The following ABCB1 variants were observed in gnomAD, a reference collection of about 807,000 sequenced individuals.
ABCB1 encodes the protein ATP binding cassette subfamily B member 1.
In ABCB1, 69 loss-of-function variants were observed where a neutral mutation model predicts 142.0. The observed-to-expected ratio is 0.49, with a 90% CI of 0.40 to 0.59. The LOEUF is 0.59. ABCB1 is among the 20% of genes least tolerant of loss of function. The pLI, the probability that ABCB1 is intolerant of heterozygous loss-of-function variation, is 0.00. For synonymous variants in ABCB1, 532 were observed against 539.2 expected (o/e 0.99, Z 0.18); for missense variants, 1,326 against 1,554.7 (o/e 0.85, Z 2.47).
At chr7:87,543,140 A>G (rs1816613509) in intron 17 of ABCB1, among the ~76,000 whole-genome samples, 1 of 152,086 alleles carries the variant, frequency 6.6e-6, no homozygotes, top group South Asian at 2.1e-4. Flanking sequence ...CTAAAAATAC[A>G]AAAATTAGCC....
At chr7:87,565,063 T>G (rs1310804748) in intron 7 of ABCB1, among the ~76,000 whole-genome samples, 1 of 152,196 alleles carries the variant, frequency 6.6e-6, no homozygotes, top group Non-Finnish European at 1.5e-5. Context: ...TCTTTCTCTG[T>G]AAAGTGAGAT....
intron 1 of ABCB1, among the ~76,000 whole-genome samples, chr7:87,653,177 T>C (rs1823751269): frequency 6.6e-6 from 1 of 152,088 alleles, no homozygotes; most frequent in Admixed American, 6.6e-5. Flanking sequence ...TAGGAATTAA[T>C]AACAATATTA....
chr7:87,550,844 G>T lies in ABCB1; in HGVS notation c.1000-6C>A. 6.4e-7 allele frequency: 1 copy of T among 1,567,274 alleles called. No homozygotes were observed. The highest frequency in any genetic ancestry group is 8.8e-7 in the Non-Finnish European group (1 of 1,137,672). ...ATTAATACAGAAAAGAATACCTGAG[G>T]AATGTGAAGAAAAACCATCAGGCTA... is the stretch of plus-strand genomic sequence containing the variant. On this transcript the variant is annotated splice_polypyrimidine_tract_variant and splice_region_variant and intron_variant, in intron 9 of 27. Transcript: ENST00000622132.
chr7:87,693,483 A>G (rs1395066524), intron 1 of ABCB1, among the ~76,000 whole-genome samples: 2 of 152,200 alleles, frequency 1.3e-5, no homozygotes, highest in East Asian at 1.9e-4. Context: ...TTTCTGAGCC[A>G]TATAGTTCCA....
intron 1 of ABCB1, among the ~76,000 whole-genome samples, chr7:87,711,152 C>T (rs1830044842): frequency 6.6e-6 from 1 of 151,946 alleles, no homozygotes; most frequent in Non-Finnish European, 1.5e-5. Flanking sequence ...CATGGATAAA[C>T]CCCGTCTCTA....
intron 1 of ABCB1, among the ~76,000 whole-genome samples, chr7:87,692,337 G>A (rs556571431): frequency 6.6e-6 from 1 of 152,240 alleles, no homozygotes; most frequent in Admixed American, 6.5e-5. Flanking sequence ...CGCACCTGTA[G>A]TCTTAGCTAC....
At chr7:87,646,351 C>A (rs1823002429) in intron 1 of ABCB1, among the ~76,000 whole-genome samples, 1 of 152,090 alleles carries the variant, frequency 6.6e-6, no homozygotes, top group Non-Finnish European at 1.5e-5. Flanking sequence ...TCCTGGAGAA[C>A]ATAGTGACTA....
intron 8 of ABCB1, among the ~76,000 whole-genome samples, chr7:87,558,518 T>C (rs1817409716): frequency 6.6e-6 from 1 of 152,142 alleles, no homozygotes; most frequent in African/African-American, 2.4e-5. Context: ...TTCTTTTTCG[T>C]TTTCTTTTTT....
At chr7:87,544,545 C>T (rs1321702585) in intron 16 of ABCB1, among the ~76,000 whole-genome samples, 1 of 152,060 alleles carries the variant, frequency 6.6e-6, no homozygotes, top group Non-Finnish European at 1.5e-5. Flanking sequence ...CAGAACCTGA[C>T]AAGAGTATTT....
At position 87,506,005 on chromosome 7, in the gene ABCB1, G is replaced by A. The variant is rs1185730528; in HGVS notation, c.3528C>T (p.Leu1176=). 2 of 1,614,142 alleles carry A rather than the reference G, an allele frequency of 1.2e-6. No homozygotes were observed. The highest frequency in any genetic ancestry group is 1.7e-5 in the Admixed American group (1 of 60,022). Residue 1176 remains leucine, a synonymous_variant, in exon 27 of 28, where the codon CTC becomes CTT. Coordinates refer to ENST00000622132, the MANE Select transcript of ABCB1 (RefSeq NM_001348946.2). ...CAATGCGTTGTTTCTGGCCACCAGA[G>A]AGCTGAGTTCCTTTGTCTCCTACTT... ...STKVGDKGTQ[L]SGGQKQRIAI... is the part of the protein sequence containing the mutation.
At chr7:87,550,380 A>G (rs898037962) in intron 11 of ABCB1, 84 bp from the exon 12 acceptor site, 25 of 1,606,962 alleles carry the variant, frequency 1.6e-5, no homozygotes, top group Non-Finnish European at 2.1e-5. Flanking sequence ...GTTTAAATAT[A>G]CATGCACTTT....
chr7:87,671,719 G>A lies in ABCB1; in HGVS notation c.-331+41442C>T, dbSNP rs545297865. Among the ~76,000 whole-genome samples the A allele has an allele frequency of 9.2e-5, 14 of 152,246 alleles. No homozygotes were observed. In the South Asian group the frequency reaches 2.1e-3, roughly 23 times the overall value. ...CAAGATTGAGGACCCACTTAAAAAC[G>A]CAGTCTTACCATGTGTTGGTAGAGC... is the stretch of plus-strand genomic sequence containing the variant. On this transcript the variant is annotated intron_variant, in intron 1 of 28. Coordinates refer to the ABCB1 transcript ENST00000265724.
intron 1 of ABCB1, among the ~76,000 whole-genome samples, chr7:87,610,232 CTTTTTT>C (rs914468581): frequency 3.4e-5 from 4 of 117,040 alleles, no homozygotes; most frequent in Admixed American, 8.9e-5. Flanking sequence ...CTTTTTCTTT[CTTTTTT>C]TTTTTTTTTT....
intron 23 of ABCB1, 23 bp downstream of exon 23, chr7:87,519,303 C>T: frequency 2.5e-6 from 4 of 1,610,922 alleles, no homozygotes; most frequent in African/African-American, 1.3e-5. Context: ...TAGAGCTTAA[C>T]TAAATAATAG....
chr7:87,709,708 C>CAT (rs1212281440), intron 1 of ABCB1, among the ~76,000 whole-genome samples: 1 of 152,084 alleles, frequency 6.6e-6, no homozygotes, highest in Non-Finnish European at 1.5e-5. Flanking sequence ...AGTTGACAAT[C>CAT]ATATATATTG....
intron 1 of ABCB1, among the ~76,000 whole-genome samples, chr7:87,703,893 T>TTTTTTTTTTTTTTTTTG: frequency 8.9e-6 from 1 of 112,076 alleles, no homozygotes; most frequent in African/African-American, 3.5e-5. Flanking sequence ...TTCTTTTTTT[T>TTTTTTTTTTTTTTTTTG]TTTTTTTTTT....
chr7:87,515,110 T>C (rs1326398317), intron 25 of ABCB1, 121 bp downstream of exon 25: 8 of 1,310,314 alleles, frequency 6.1e-6, no homozygotes, highest in Admixed American at 4.0e-5. Flanking sequence ...TCTCAGACTT[T>C]ATCCAAGTGG....
chr7:87,544,017 G>A, intron 17 of ABCB1, 112 bp downstream of exon 17: 1 of 1,279,274 alleles, frequency 7.8e-7, no homozygotes, highest in Non-Finnish European at 1.1e-6. Context: ...GTTTCATATG[G>A]AGATACGTGG....
intron 21 of ABCB1, among the ~76,000 whole-genome samples, chr7:87,521,288 C>T (rs28401774): frequency 0.015 from 2,318 of 152,192 alleles, 66 homozygotes; most frequent in African/African-American, 0.052. Context: ...TTTATCATTG[C>T]CATTTGTGAC....
Sources: allele counts gnomAD v4.1 joint callset (sites outside exome capture counted in the v4.1 genomes callset), GRCh38; gene constraint gnomAD v4.1.1; transcripts MANE v1.5; gene names NCBI Gene and HGNC (gene_info 2026-07-23, HGNC 2026-07-21).